Variants in SAMMSON observed in about 807,000 individuals in gnomAD.
SAMMSON encodes survival associated mitochondrial melanoma specific oncogenic non-coding RNA.
intron 9 of SAMMSON, among the ~76,000 whole-genome samples, chr3:70,359,393 C>A (rs1299642234): frequency 2.0e-5 from 3 of 152,056 alleles, no homozygotes; most frequent in African/African-American, 4.8e-5. Flanking sequence ...AACAATTATA[C>A]CTAATGGGTG....
intron 6 of SAMMSON, among the ~76,000 whole-genome samples, chr3:70,258,427 C>CAG (rs141152943): frequency 8.6e-5 from 13 of 150,980 alleles, no homozygotes; most frequent in East Asian, 3.9e-4. Flanking sequence ...TATGTATTTA[C>CAG]AGAGAGAGAG....
chr3:70,237,761 T>G (rs1217437604), intron 4 of SAMMSON, among the ~76,000 whole-genome samples: 1 of 152,202 alleles, frequency 6.6e-6, no homozygotes, highest in African/African-American at 2.4e-5. Context: ...ATAATGTGCA[T>G]GTGTTATGAT....
intron 9 of SAMMSON, among the ~76,000 whole-genome samples, chr3:70,385,008 G>T (rs767076646): frequency 1.3e-5 from 2 of 152,010 alleles, no homozygotes; most frequent in African/African-American, 4.8e-5. Flanking sequence ...CTAACATATG[G>T]AATAGAATAA....
rs151132269 is a variant in SAMMSON at position 70,054,765 on chromosome 3, G to A, written n.418-16711G>A. Among the ~76,000 whole-genome samples, 92 of 152,132 alleles carry A rather than the reference G, an allele frequency of 6.0e-4. No homozygotes were observed. In the East Asian group the frequency reaches 0.014, roughly 23 times the overall value. On this transcript the variant is annotated intron_variant and non_coding_transcript_variant, in intron 3 of 9. Coordinates refer to ENST00000642114, the Ensembl canonical transcript of SAMMSON. ...GACAACATGGAGTGATGAGGACTGT[G>A]GTCAGCTAGAAAAAGTTCGGGACTA...
At chr3:70,421,024 A>C (rs867594503) in intron 2 of SAMMSON, among the ~76,000 whole-genome samples, 3 of 152,156 alleles carry the variant, frequency 2.0e-5, no homozygotes, top group Admixed American at 6.5e-5. Context: ...TAATAACTAC[A>C]ACTTTCATTT....
chr3:70,349,506 A>G (rs1388089529), intron 7 of SAMMSON, among the ~76,000 whole-genome samples: 1 of 152,154 alleles, frequency 6.6e-6, no homozygotes, highest in African/African-American at 2.4e-5. Context: ...AAATGTGTTC[A>G]TATATATTTT....
At chr3:70,396,302 G>A (rs1701093081) in intron 2 of SAMMSON, among the ~76,000 whole-genome samples, 3 of 152,198 alleles carry the variant, frequency 2.0e-5, no homozygotes, top group South Asian at 2.1e-4. Flanking sequence ...CTAGGTCAAT[G>A]TAAGGGATTC....
intron 4 of SAMMSON, among the ~76,000 whole-genome samples, chr3:70,184,819 C>G (rs186751939): frequency 6.6e-6 from 1 of 152,270 alleles, no homozygotes; most frequent in East Asian, 1.9e-4. Flanking sequence ...AAATACCTCT[C>G]AGCACACCAC....
intron 1 of SAMMSON, chr3:70,009,188 T>C (rs1200461623): frequency 7.9e-5 from 12 of 152,184 alleles, no homozygotes; most frequent in South Asian, 2.1e-4. Context: ...CTTTTTCTAT[T>C]GATTGGAATA....
At chr3:70,126,302 T>A in intron 4 of SAMMSON, 1 of 1,200,338 alleles carries the variant, frequency 8.3e-7, no homozygotes, top group South Asian at 1.3e-5. Flanking sequence ...GGGAGTGAAC[T>A]TGATCTTGCT....
intron 7 of SAMMSON, among the ~76,000 whole-genome samples, chr3:70,295,083 G>A (rs953519910): frequency 6.6e-6 from 1 of 152,124 alleles, no homozygotes; most frequent in African/African-American, 2.4e-5. Flanking sequence ...ATTGGCAAGG[G>A]CAGTGGGACC....
chr3:70,410,579 A>G (rs956406514), intron 2 of SAMMSON, among the ~76,000 whole-genome samples: 2 of 152,214 alleles, frequency 1.3e-5, no homozygotes, highest in South Asian at 2.1e-4. Flanking sequence ...AAGGCTAAAT[A>G]TATTTCTTTA....
At chr3:70,284,756 G>A (rs1418034129) in intron 6 of SAMMSON, among the ~76,000 whole-genome samples, 1 of 152,112 alleles carries the variant, frequency 6.6e-6, no homozygotes, top group Non-Finnish European at 1.5e-5. Context: ...AGGGTGAAGG[G>A]TAGGAGGAGA....
intron 7 of SAMMSON, among the ~76,000 whole-genome samples, chr3:70,310,444 C>A (rs777167522): frequency 6.6e-6 from 1 of 151,864 alleles, no homozygotes; most frequent in Non-Finnish European, 1.5e-5. Flanking sequence ...CGGCTCACTG[C>A]AACCTCTGCC....
At chr3:70,091,681 A>G (rs1342082306) in intron 4 of SAMMSON, among the ~76,000 whole-genome samples, 1 of 152,172 alleles carries the variant, frequency 6.6e-6, no homozygotes, top group Non-Finnish European at 1.5e-5. Context: ...GTCTGGCAAC[A>G]TCATAAGCTG....
At chr3:70,004,552 A>C (rs770204307) in intron 1 of SAMMSON, among the ~76,000 whole-genome samples, 3 of 152,220 alleles carry the variant, frequency 2.0e-5, no homozygotes, top group Non-Finnish European at 4.4e-5. Context: ...AGCTTAAAAG[A>C]GGTACAGATC....
At chr3:70,427,505 T>C (rs908363471) in intron 2 of SAMMSON, among the ~76,000 whole-genome samples, 1 of 152,046 alleles carries the variant, frequency 6.6e-6, no homozygotes, top group African/African-American at 2.4e-5. Flanking sequence ...TTTGGGAGGC[T>C]GAGATGGGCG....
At chr3:70,017,982 T>C (rs551478710) in intron 3 of SAMMSON, among the ~76,000 whole-genome samples, 2 of 152,294 alleles carry the variant, frequency 1.3e-5, no homozygotes, top group East Asian at 3.9e-4. Context: ...TGGATTTGGT[T>C]TGCCAGTATT....
chr3:70,315,727 C>A (rs1171280247), intron 7 of SAMMSON, among the ~76,000 whole-genome samples: 1 of 151,948 alleles, frequency 6.6e-6, no homozygotes, highest in Non-Finnish European at 1.5e-5. Flanking sequence ...ACAAAGTGAA[C>A]CCACAGTTGA....
Sources: allele counts gnomAD v4.1 joint callset (sites outside exome capture counted in the v4.1 genomes callset), GRCh38; gene constraint gnomAD v4.1.1; transcripts MANE v1.5; gene names NCBI Gene and HGNC (gene_info 2026-07-23, HGNC 2026-07-21).